Variants in SMOX observed in about 807,000 individuals in gnomAD.
The protein encoded by SMOX is flavin containing amine oxidase.
In SMOX, 22 loss-of-function variants were observed where a neutral mutation model predicts 51.0. That is an observed-to-expected ratio of 0.43 (90% confidence interval 0.31 to 0.62). The LOEUF (loss-of-function observed/expected upper bound fraction) is 0.62. SMOX is among the 20% of genes least tolerant of loss of function. The pLI is 0.10. For synonymous variants in SMOX, 282 were observed against 307.8 expected (o/e 0.92, Z 0.88); for missense variants, 566 against 777.7 (o/e 0.73, Z 3.24).
rs570465812 is a variant in SMOX at position 4,152,627 on chromosome 20, TAGGGATG to T, written c.-27+3654_-27+3660del. On this transcript the variant is annotated intron_variant, in intron 1 of 6. Coordinates refer to ENST00000305958, the MANE Select transcript of SMOX (RefSeq NM_175839.3). The stretch of plus-strand genomic sequence containing the variant: ...AGGAAAGACCTTGAGCTGGGATAGG[TAGGGATG>T]AGGAGGGCATCCTGGGTGGGAGGAA... Among the ~76,000 whole-genome samples the T allele has an allele frequency of 1.8e-3, 268 of 151,458 alleles. 1 individual carries two copies. The highest frequency in any genetic ancestry group is 5.8e-3 in the African/African-American group (239 of 41,294).
intron 1 of SMOX, among the ~76,000 whole-genome samples, chr20:4,158,119 C>T (rs1407201320): frequency 2.0e-5 from 3 of 150,628 alleles, no homozygotes; most frequent in Non-Finnish European, 3.0e-5. Context: ...CCAGGATGGT[C>T]TCGATCTCCT....
At chr20:4,150,757 A>G (rs1397854985) in intron 1 of SMOX, among the ~76,000 whole-genome samples, 1 of 150,920 alleles carries the variant, frequency 6.6e-6, no homozygotes, top group Non-Finnish European at 1.5e-5. Flanking sequence ...CTTAATATGG[A>G]TGAAACAGAA....
At chr20:4,160,453 C>T (rs891425698) in intron 1 of SMOX, among the ~76,000 whole-genome samples, 1 of 152,174 alleles carries the variant, frequency 6.6e-6, no homozygotes, top group East Asian at 1.9e-4. Context: ...CTGCCCTGCC[C>T]CTCACTCCAT....
chr20:4,169,514 C>T (rs543621399), intron 1 of SMOX, among the ~76,000 whole-genome samples: 3 of 152,180 alleles, frequency 2.0e-5, no homozygotes, highest in Non-Finnish European at 4.4e-5. Context: ...CACTGTGGTT[C>T]ACTCACAGGG....
intron 1 of SMOX, among the ~76,000 whole-genome samples, chr20:4,163,118 C>G (rs1986409899): frequency 6.6e-6 from 1 of 151,950 alleles, no homozygotes; most frequent in Non-Finnish European, 1.5e-5. Context: ...CCGGCACTGT[C>G]AGACCTCAGT....
At chr20:4,176,527 G>A (rs1039954545) in intron 2 of SMOX, among the ~76,000 whole-genome samples, 18 of 152,102 alleles carry the variant, frequency 1.2e-4, no homozygotes, top group Admixed American at 8.5e-4. Flanking sequence ...AAAACAAAAC[G>A]AAACACCCCC....
chr20:4,165,141 G>A (rs570671248), intron 1 of SMOX, among the ~76,000 whole-genome samples: 6 of 133,090 alleles, frequency 4.5e-5, no homozygotes, highest in Non-Finnish European at 9.3e-5. Context: ...TGCAACCTCC[G>A]CCTCCGAGGT....
chr20:4,186,685 A>T (rs185133846), intron 6 of SMOX: 1 of 772,622 alleles, frequency 1.3e-6, no homozygotes, highest in African/African-American at 1.7e-5. Flanking sequence ...GCAAACACCC[A>T]TTCCATCACA....
In SMOX at chr20:4,183,630, G is replaced by A. The variant is rs138385253; in HGVS notation, c.1506G>A (p.Pro502=). The A allele has an allele frequency of 3.1e-5, 50 of 1,591,412 alleles. No individual in the cohort carries two copies. The highest frequency in any genetic ancestry group is 1.7e-4 in the African/African-American group (13 of 74,296). The change falls in exon 6 of 7, where the codon CCG becomes CCA. Residue 502 remains proline, a synonymous_variant. Transcript: ENST00000305958. This position sits in a 1 kb window ranked among gnomAD's most constrained non-coding sequence, Gnocchi z 4.3. ...ADVEKLAKPL[P]YTESSKTAPM... Reference sequence around the variant, plus strand: ...TGGAGAAGCTGGCCAAGCCCCTGCCGTACACAGAGAGCTCAAAGACAGCGG... The same window carrying A: ...TGGAGAAGCTGGCCAAGCCCCTGCCATACACAGAGAGCTCAAAGACAGCGG...
rs529501394 is a variant in SMOX at position 4,159,522 on chromosome 20, C to G, written c.-27+10545C>G. Among the ~76,000 whole-genome samples the G allele has an allele frequency of 5.3e-5, 8 of 152,294 alleles. No homozygotes were observed. The East Asian group carries it at 1.2e-3, about 22-fold the overall frequency. The stretch of plus-strand genomic sequence containing the variant: ...GTGGAACCTCTCTGAATCTCAGTTG[C>G]CTCCTCTGTACTATGGGGGTATTGA... On this transcript the variant is annotated intron_variant, in intron 1 of 6. Transcript: ENST00000305958.
At chr20:4,157,746 G>T (rs1568730781) in intron 1 of SMOX, among the ~76,000 whole-genome samples, 2 of 152,040 alleles carry the variant, frequency 1.3e-5, no homozygotes, top group Non-Finnish European at 2.9e-5. Context: ...CATGAAGCTG[G>T]GGGAGGGGCC....
At chr20:4,156,379 A>G in intron 1 of SMOX, among the ~76,000 whole-genome samples, 1 of 152,172 alleles carries the variant, frequency 6.6e-6, no homozygotes, top group East Asian at 1.9e-4. Flanking sequence ...CATTTGGACA[A>G]TCAGTAGAAG....
chr20:4,168,088 C>T lies in SMOX; in HGVS notation c.-26-6942C>T, dbSNP rs1312195213. Among the ~76,000 whole-genome samples the T allele has an allele frequency of 3.5e-5, 5 of 143,026 alleles. No individual in the cohort carries two copies. The East Asian group carries it at 1.1e-3, about 32-fold the overall frequency. The allele number at this position is 143,026 out of a possible 152,430, so 93.8% of individuals were successfully genotyped here. A position where few individuals can be genotyped will look rare whatever the true frequency, so the allele number is the denominator to read the frequency against. ...CCCAGCTTCCCTCCCACTCCCTCTC[C>T]TCCTGTTAGAAACCTGAGAAAGAGC... On this transcript the variant is annotated intron_variant, in intron 1 of 6. Coordinates refer to ENST00000305958, the MANE Select transcript of SMOX (RefSeq NM_175839.3).
intron 1 of SMOX, among the ~76,000 whole-genome samples, chr20:4,169,585 C>T (rs770830223): frequency 1.3e-5 from 2 of 152,200 alleles, no homozygotes; most frequent in Non-Finnish European, 2.9e-5. Flanking sequence ...CAGCCCTGCC[C>T]TGTGGCTGTG....
In SMOX at chr20:4,182,372, A is replaced by G. The variant is rs371088693; in HGVS notation, c.893A>G (p.Glu298Gly). The G allele has an allele frequency of 6.9e-6, 11 of 1,596,044 alleles. No homozygotes were observed. Among genetic ancestry groups the G allele is most frequent in the South Asian group, 1.1e-5 (1 of 87,828 alleles). Reference protein sequence around the residue: ...HDTGEGGQGGEEPRGGRWDED... With the variant: ...HDTGEGGQGGGEPRGGRWDED... ...ACTGGGGAGGGTGGCCAGGGTGGAG[A>G]GGAGCCCCGGGGGGGCAGGTGGGAT... The change falls in exon 5 of 7, where the codon GAG (glutamate) becomes GGG (glycine). Residue 298 changes from glutamate to glycine, a missense_variant. Physicochemically the swap from Glu to Gly is moderately conservative, Grantham distance 98 (BLOSUM62 -2). Coordinates refer to ENST00000305958, the MANE Select transcript of SMOX (RefSeq NM_175839.3). The surrounding 1 kb of genome is among the most constrained non-coding windows in gnomAD (Gnocchi z 8.4).
At chr20:4,162,327 G>A (rs945986992) in intron 1 of SMOX, among the ~76,000 whole-genome samples, 1 of 152,220 alleles carries the variant, frequency 6.6e-6, no homozygotes, top group Non-Finnish European at 1.5e-5. Flanking sequence ...CATAGTGTGG[G>A]ACCAGGGGAT....
Position 4,152,418 on chromosome 20 carries a change from T to C in SMOX, c.-27+3441T>C, listed in dbSNP as rs138093874. On this transcript the variant is annotated intron_variant, in intron 1 of 6. Transcript: ENST00000305958. ...TCTCCTGTTTGCACAGAGGAGCCAG[T>C]TGAGTGTTAAATTGTGTGGCTGGTA... 1.3e-3 allele frequency among the ~76,000 whole-genome samples: 200 copies of C among 152,080 alleles called. No individual in the cohort carries two copies. The Middle Eastern group carries it at 0.017, about 13-fold the overall frequency.
chr20:4,151,862 G>A (rs1401142695), intron 1 of SMOX, among the ~76,000 whole-genome samples: 1 of 152,166 alleles, frequency 6.6e-6, no homozygotes, highest in African/African-American at 2.4e-5. Context: ...TGCTGTATCT[G>A]GAGCATCTAG....
At position 4,149,336 on chromosome 20, in the gene SMOX, G is replaced by C. The variant is rs1985608064; in HGVS notation, c.-27+359G>C. Among the ~76,000 whole-genome samples, 1 of 151,640 alleles carries C rather than the reference G, an allele frequency of 6.6e-6. No homozygotes were observed. The highest frequency in any genetic ancestry group is 1.5e-5 in the Non-Finnish European group (1 of 67,828). On this transcript the variant is annotated intron_variant, in intron 1 of 6. Transcript: ENST00000305958. The surrounding 1 kb of genome is among the most constrained non-coding windows in gnomAD (Gnocchi z 6.0). ...CGTGCGGGAGGGGAGCGTCCCGGGC[G>C]CCCTGCAGGCGCGCTCCGTGGGCGC...
Sources: gnomAD v4.1 joint callset for allele counts (sites outside exome capture counted in the v4.1 genomes callset) on GRCh38, gnomAD v4.1.1 for gene constraint, Gnocchi (gnomAD v3.1) non-coding constraint, MANE v1.5 for transcripts, NCBI Gene and HGNC (gene_info 2026-07-23, HGNC 2026-07-21) for gene names.